SNRPB: variants seen among roughly 807,000 people sequenced by gnomAD.
The protein encoded by SNRPB is small nuclear ribonucleoprotein-associated proteins B and B'.
Under a neutral mutation model 26.6 loss-of-function variants are expected in SNRPB, and 5 were observed. The ratio of observed to expected loss-of-function variants is 0.19; its 90% confidence interval spans 0.10 to 0.39. The LOEUF (loss-of-function observed/expected upper bound fraction) is 0.39. SNRPB is among the 10% of genes least tolerant of loss of function. The pLI is 1.00. For synonymous variants in SNRPB, 122 were observed against 105.8 expected (o/e 1.15, Z -0.94); for missense variants, 211 against 311.9 (o/e 0.68, Z 2.44).
Position 2,461,813 on chromosome 20 carries a change from A to G in SNRPB, c.*116T>C. 6.2e-7 allele frequency: 1 copy of G among 1,613,898 alleles called. No individual in the cohort carries two copies. The highest frequency in any genetic ancestry group is 8.5e-7 in the Non-Finnish European group (1 of 1,179,878). ...GGGGCCCTGTAAGGGAAACCAGACAATCCCATGAGACTCCACGAACAACAG... is the reference window on the plus strand; with the variant it reads ...GGGGCCCTGTAAGGGAAACCAGACAGTCCCATGAGACTCCACGAACAACAG... On this transcript the variant is annotated 3_prime_UTR_variant, in exon 7 of 7. Transcript: ENST00000381342.
At position 2,463,271 on chromosome 20, in the gene SNRPB, T is replaced by C. The variant is rs1200162984; in HGVS notation, c.421-44A>G. On this transcript the variant is annotated intron_variant, in intron 4 of 6. Coordinates refer to ENST00000381342, the MANE Select transcript of SNRPB (RefSeq NM_003091.4). This position sits in a 1 kb window ranked among gnomAD's most constrained non-coding sequence, Gnocchi z 5.0. Reference sequence around the variant, plus strand: ...AAAGAGTTAGAAGAGTACAGTACAATGCAGCTTCCCACTCTCCTCCCCAAC... The same window carrying C: ...AAAGAGTTAGAAGAGTACAGTACAACGCAGCTTCCCACTCTCCTCCCCAAC... 6.6e-7 allele frequency: 1 copy of C among 1,518,082 alleles called. No individual in the cohort carries two copies. The highest frequency in any genetic ancestry group is 1.1e-5 in the South Asian group (1 of 89,064). The allele number at this position is 1,518,082 out of a possible 1,614,324, so 94.0% of individuals were successfully genotyped here. A position where few individuals can be genotyped will look rare whatever the true frequency, so the allele number is the denominator to read the frequency against.
intron 6 of SNRPB, 111 bp from the exon 7 acceptor site, chr20:2,462,050 G>A: frequency 1.4e-6 from 1 of 729,736 alleles, no homozygotes; most frequent in Non-Finnish European, 2.4e-6. Context: ...GGGTATACAT[G>A]GCATATGTGC....
At chr20:2,462,967 TCA>T in intron 5 of SNRPB, 120 bp downstream of exon 5, 1 of 1,095,342 alleles carries the variant, frequency 9.1e-7, no homozygotes, top group African/African-American at 1.6e-5. Flanking sequence ...ACGCTGGATC[TCA>T]GAGTAATCCT....
In SNRPB at chr20:2,461,647, T is replaced by G; in HGVS notation, c.*282A>C. ...AAGATCCATAGGTGCAATTATAATG[T>G]TCTCTTAAGAGTTTATTATAAACCA... On this transcript the variant is annotated 3_prime_UTR_variant, in exon 7 of 7. Transcript: ENST00000381342. 1 of 695,608 alleles carries G rather than the reference T, an allele frequency of 1.4e-6. No individual in the cohort carries two copies. The highest frequency in any genetic ancestry group is 2.3e-6 in the Non-Finnish European group (1 of 428,764). 43.1% of individuals were successfully genotyped at this position (695,608 alleles called of 1,614,324 possible).
chr20:2,470,221 T>G (rs1384106185), intron 1 of SNRPB, among the ~76,000 whole-genome samples: 1 of 152,166 alleles, frequency 6.6e-6, no homozygotes, highest in Non-Finnish European at 1.5e-5. Context: ...CTCCTCTCCA[T>G]CCAGCAGACC....
At chr20:2,464,088 C>G (rs886442227) in intron 3 of SNRPB, among the ~76,000 whole-genome samples, 189 bp from the exon 4 acceptor site, 1 of 152,180 alleles carries the variant, frequency 6.6e-6, no homozygotes, top group African/African-American at 2.4e-5. Context: ...ATCCCTGAAG[C>G]AGGGTAGAAC....
intron 6 of SNRPB, 30 bp downstream of exon 6, chr20:2,462,606 G>A: frequency 6.2e-7 from 1 of 1,605,500 alleles, no homozygotes; most frequent in Non-Finnish European, 8.5e-7. Flanking sequence ...TCTAGGGAAA[G>A]AAGCCAAAGT....
Position 2,463,966 on chromosome 20 carries a change from C to T in SNRPB, c.268-67G>A. On this transcript the variant is annotated intron_variant, in intron 3 of 6. Transcript: ENST00000381342. The surrounding 1 kb of genome is among the most constrained non-coding windows in gnomAD (Gnocchi z 5.0). ...AGATCAGAAGTATACTTTGGAATAT[C>T]ATTGCCAAGAGAGCCCCTCGAAATA... is the stretch of plus-strand genomic sequence containing the variant. The T allele has an allele frequency of 7.1e-7, 1 of 1,400,776 alleles. No homozygotes were observed. The highest frequency in any genetic ancestry group is 1.0e-6 in the Non-Finnish European group (1 of 996,146). The allele number at this position is 1,400,776 out of a possible 1,614,324, so 86.8% of individuals were successfully genotyped here. A position where few individuals can be genotyped will look rare whatever the true frequency, so the allele number is the denominator to read the frequency against.
chr20:2,469,198 G>A (rs2085095672), intron 1 of SNRPB, among the ~76,000 whole-genome samples: 2 of 152,176 alleles, frequency 1.3e-5, no homozygotes, highest in African/African-American at 4.8e-5. Flanking sequence ...CTGAGGCTAG[G>A]AGAGGTTAAG....
chr20:2,462,673 G>T lies in SNRPB; in HGVS notation c.648C>A (p.Pro216=). The T allele has an allele frequency of 6.2e-7, 1 of 1,611,684 alleles. No individual in the cohort carries two copies. Among genetic ancestry groups the T allele is most frequent in the Non-Finnish European group, 8.5e-7 (1 of 1,177,996 alleles). The change falls in exon 6 of 7, where the codon CCC becomes CCA. Residue 216 remains proline (P), a synonymous_variant. Transcript: ENST00000381342. Reference sequence around the variant, plus strand: ...GGGGAGGAGGCCGCATTCCCGGAGGGGGCATGCCCATTGGAGTCCCTCTTC... The same window carrying T: ...GGGGAGGAGGCCGCATTCCCGGAGGTGGCATGCCCATTGGAGTCCCTCTTC... The part of the protein sequence containing the change: ...PPGRGTPMGM[P]PPGMRPPPPG...
At position 2,465,653 on chromosome 20, in the gene SNRPB, G is replaced by A. The variant is rs1306013762; in HGVS notation, c.267+55C>T. On this transcript the variant is annotated intron_variant, in intron 3 of 6. Transcript: ENST00000381342. The stretch of plus-strand genomic sequence containing the variant: ...GCAATGAAACAGAATCTAACACAGA[G>A]CCTGGCTCACAGTAGGGCCTCCCCT... The A allele has an allele frequency of 4.2e-6, 5 of 1,193,072 alleles. No individual in the cohort carries two copies. In the African/African-American group the frequency reaches 4.5e-5, roughly 11 times the overall value. The allele number at this position is 1,193,072 out of a possible 1,614,324, so 73.9% of individuals were successfully genotyped here.
chr20:2,467,667 T>G lies in SNRPB; in HGVS notation c.95A>C (p.Lys32Thr), dbSNP rs768934384. 2 of 1,614,188 alleles carry G rather than the reference T, an allele frequency of 1.2e-6. No individual in the cohort carries two copies. Among genetic ancestry groups the G allele is most frequent in the Admixed American group, 1.7e-5 (1 of 60,024 alleles). The change falls in exon 2 of 7, where the codon AAG becomes ACG. Residue 32 changes from lysine (K) to threonine (T), a missense_variant. Transcript: ENST00000381342. The stretch of plus-strand genomic sequence containing the variant: ...CAAATTCATGTGCTTGTCAAAAGCC[T>G]TGAAGGTGCCAATGAAGATCCGGCC... ...QDGRIFIGTF[K>T]AFDKHMNLIL... is the part of the protein sequence containing the mutation.
rs762144137 is a variant in SNRPB, at chr20:2,461,942, G to A, written c.686-3C>T. 2.5e-6 allele frequency: 4 copies of A among 1,610,276 alleles called. No homozygotes were observed. Among genetic ancestry groups the A allele is most frequent in the Middle Eastern group, 1.9e-4 (1 of 5,184 alleles). ...TGTGGCCAAGGGTCAAAGAAGGCCT[G>A]AAGTAAGAGTAAGAAGTTTAGTCAG... On this transcript the variant is annotated splice_region_variant and splice_polypyrimidine_tract_variant and intron_variant, in intron 6 of 6. Coordinates refer to ENST00000381342, the MANE Select transcript of SNRPB (RefSeq NM_003091.4).
At position 2,467,673 on chromosome 20, in the gene SNRPB, G is replaced by A; in HGVS notation, c.89C>T (p.Thr30Ile). The change falls in exon 2 of 7, where the codon ACC (threonine) becomes ATC (isoleucine). Residue 30 changes from threonine to isoleucine, a missense_variant. By Grantham distance (89) the Thr-to-Ile change is moderately conservative. Transcript: ENST00000381342. Reference protein sequence around the residue: ...ILQDGRIFIGTFKAFDKHMNL... With the variant: ...ILQDGRIFIGIFKAFDKHMNL... ...CATGTGCTTGTCAAAAGCCTTGAAG[G>A]TGCCAATGAAGATCCGGCCGTCCTG... 6.2e-7 allele frequency: 1 copy of A among 1,614,116 alleles called. No homozygotes were observed. Among genetic ancestry groups the A allele is most frequent in the Non-Finnish European group, 8.5e-7 (1 of 1,179,996 alleles).
chr20:2,467,927 CCT>C lies in SNRPB; in HGVS notation c.4-171_4-170del, dbSNP rs67159928. Among the ~76,000 whole-genome samples, 90,447 of 151,798 alleles carry C rather than the reference CCT, an allele frequency of 0.6. 30,053 individuals are homozygous for C. Among genetic ancestry groups the C allele is most frequent in the Non-Finnish European group, 0.74 (50,445 of 67,880 alleles). On this transcript the variant is annotated intron_variant, in intron 1 of 6. Coordinates refer to ENST00000381342, the MANE Select transcript of SNRPB (RefSeq NM_003091.4). ...TTTCCTAGGAATTCTCCCATGCCAC[CCT>C]GTTTTAGCCCTGACCTCTACCCAGT... is the stretch of plus-strand genomic sequence containing the variant.
At position 2,461,672 on chromosome 20, in the gene SNRPB, A is replaced by G. The variant is rs1207866323; in HGVS notation, c.*257T>C. On this transcript the variant is annotated 3_prime_UTR_variant, in exon 7 of 7. Coordinates refer to ENST00000381342, the MANE Select transcript of SNRPB (RefSeq NM_003091.4). ...TTCTCTTAAGAGTTTATTATAAACC[A>G]GTTTCATAGGCCACAAGGAGATAAA... The G allele has an allele frequency of 1.1e-6, 1 of 924,986 alleles. No individual in the cohort carries two copies. The highest frequency in any genetic ancestry group is 1.7e-5 in the African/African-American group (1 of 59,664). The allele number at this position is 924,986 out of a possible 1,614,324, so 57.3% of individuals were successfully genotyped here.
chr20:2,470,293 AC>A (rs2085104607), intron 1 of SNRPB, among the ~76,000 whole-genome samples: 1 of 110,926 alleles, frequency 9.0e-6, no homozygotes, highest in South Asian at 2.9e-4. Context: ...TCTTTCTCAG[AC>A]TCACAAACTT....
chr20:2,465,798 T>G lies in SNRPB; in HGVS notation c.177A>C (p.Ala59=). 1 of 1,613,704 alleles carries G rather than the reference T, an allele frequency of 6.2e-7. No homozygotes were observed. Among genetic ancestry groups the G allele is most frequent in the African/African-American group, 1.3e-5 (1 of 74,884 alleles). ...CGAGGACTCGCTTCTCTTCCCTTTC[T>G]GCTTGTTTGGAGTTCTTTGGCCTAA... ...RKIKPKNSKQ[A]EREEKRVLGL... is the part of the protein sequence containing the mutation. Residue 59 remains alanine (A), a synonymous_variant, in exon 3 of 7, where the codon GCA becomes GCC. Coordinates refer to ENST00000381342, the MANE Select transcript of SNRPB (RefSeq NM_003091.4).
In SNRPB at chr20:2,466,182, C is replaced by T. The variant is rs186460334; in HGVS notation, c.156-363G>A. On this transcript the variant is annotated intron_variant, in intron 2 of 6. Transcript: ENST00000381342. ...AGGTCTTGCCAACATCAGGAGGCTG[C>T]CTAAACAATTCCAATCAAATGACTC... 9.2e-5 allele frequency among the ~76,000 whole-genome samples: 14 copies of T among 152,306 alleles called. No homozygotes were observed. In the East Asian group the frequency reaches 2.7e-3, roughly 29 times the overall value.
Sources: gnomAD v4.1 joint callset for allele counts (sites outside exome capture counted in the v4.1 genomes callset) on GRCh38, gnomAD v4.1.1 for gene constraint, Gnocchi (gnomAD v3.1) non-coding constraint, MANE v1.5 for transcripts, NCBI Gene and HGNC (gene_info 2026-07-23, HGNC 2026-07-21) for gene names.